Variants in ZNF516 observed in about 807,000 individuals in gnomAD.
The protein encoded by ZNF516 is zinc finger protein 516.
Under a neutral mutation model 79.7 loss-of-function variants are expected in ZNF516, and 19 were observed. That is an observed-to-expected ratio of 0.24 (90% confidence interval 0.17 to 0.35). The LOEUF (loss-of-function observed/expected upper bound fraction) is 0.35. Among genes scored for constraint, ZNF516 ranks in the 10% least tolerant of loss-of-function variants. The pLI, the probability that ZNF516 is intolerant of heterozygous loss-of-function variation, is 1.00. For missense variants in ZNF516, 1,678 were observed against 1,679.5 expected, an observed-to-expected ratio of 1.00 and a Z score of 0.02; for synonymous variants, 877 against 739.5, an observed-to-expected ratio of 1.19 and a Z score of -3.02.
chr18:76,401,364 G>A (rs2075218294), intron 3 of ZNF516, among the ~76,000 whole-genome samples: 1 of 151,272 alleles, frequency 6.6e-6, no homozygotes, highest in Non-Finnish European at 1.5e-5. Flanking sequence ...CAACCACTCA[G>A]TCATATTTCT....
intron 2 of ZNF516, among the ~76,000 whole-genome samples, chr18:76,456,524 C>T (rs1376201292): frequency 6.6e-6 from 1 of 152,192 alleles, no homozygotes. Flanking sequence ...AAGGAGTCCA[C>T]CCAAGTCCAG....
chr18:76,381,741 G>A (rs1433338557), intron 3 of ZNF516, among the ~76,000 whole-genome samples: 6 of 152,192 alleles, frequency 3.9e-5, no homozygotes, highest in Admixed American at 6.5e-5. Flanking sequence ...TGTAAAAAAC[G>A]CCAGCAGTTA....
chr18:76,496,206 C>A, upstream of ZNF516: 1 of 1,204,490 alleles, frequency 8.3e-7, no homozygotes. Context: ...AGGGCGAGCG[C>A]CCCTTCACGG....
chr18:76,389,448 A>C (rs1392097038), intron 3 of ZNF516: 2 of 152,226 alleles, frequency 1.3e-5, no homozygotes, highest in African/African-American at 4.8e-5. Flanking sequence ...TGCATCCCTC[A>C]CCAATGAGAG....
intron 6 of ZNF516, among the ~76,000 whole-genome samples, chr18:76,366,263 T>G (rs1208007965): frequency 6.6e-6 from 1 of 152,216 alleles, no homozygotes; most frequent in Non-Finnish European, 1.5e-5. Flanking sequence ...AGATAGACGG[T>G]ATATCACAAT....
chr18:76,396,798 G>A (rs2075152735), intron 3 of ZNF516, among the ~76,000 whole-genome samples: 1 of 152,242 alleles, frequency 6.6e-6, no homozygotes, highest in South Asian at 2.1e-4. Flanking sequence ...ATTCCACTGA[G>A]AGTGAGAGGC....
At chr18:76,423,748 G>A (rs1486607949) in intron 3 of ZNF516, among the ~76,000 whole-genome samples, 4 of 141,896 alleles carry the variant, frequency 2.8e-5, no homozygotes, top group Admixed American at 2.1e-4. Context: ...ACATACACAC[G>A]CAGGTGAAAA....
In ZNF516 at chr18:76,470,277, T is replaced by G. The variant is rs548127315; in HGVS notation, c.-271-7136A>C. Among the ~76,000 whole-genome samples, 5 of 152,274 alleles carry G rather than the reference T, an allele frequency of 3.3e-5. No individual in the cohort carries two copies. In the South Asian group the frequency reaches 1.0e-3, roughly 32 times the overall value. On this transcript the variant is annotated intron_variant, in intron 1 of 6. Coordinates refer to ENST00000443185, the MANE Select transcript of ZNF516 (RefSeq NM_014643.4). Reference sequence around the variant, plus strand: ...TGGCGTTTTCCCCCCAACTTTTAACTTAGATCTGGAACAAATCACAAGTGG... The same window carrying G: ...TGGCGTTTTCCCCCCAACTTTTAACGTAGATCTGGAACAAATCACAAGTGG...
At chr18:76,448,856 C>T (rs903762945) in intron 2 of ZNF516, among the ~76,000 whole-genome samples, 4 of 152,146 alleles carry the variant, frequency 2.6e-5, no homozygotes, top group Non-Finnish European at 4.4e-5. Context: ...ATTATCAAAG[C>T]GTGCTGGCAG....
At chr18:76,401,848 A>G (rs1439487714) in intron 3 of ZNF516, among the ~76,000 whole-genome samples, 110 of 148,114 alleles carry the variant, frequency 7.4e-4, no homozygotes, top group Non-Finnish European at 1.1e-3. Context: ...TCCACCAACC[A>G]CACCCCCGCG....
intron 3 of ZNF516, among the ~76,000 whole-genome samples, chr18:76,401,223 T>C (rs1787448): frequency 0.7 from 105,172 of 150,318 alleles, 37,447 homozygotes; most frequent in African/African-American, 0.84. Context: ...TTAAGTTTTG[T>C]TCTTATAGTT....
At chr18:76,377,597 T>C (rs144623496) in intron 4 of ZNF516, among the ~76,000 whole-genome samples, 1 of 152,330 alleles carries the variant, frequency 6.6e-6, no homozygotes, top group East Asian at 1.9e-4. Context: ...TGTCTGCTGA[T>C]ATCTCCCAGA....
intron 1 of ZNF516, among the ~76,000 whole-genome samples, chr18:76,481,981 A>T (rs181699243): frequency 6.6e-6 from 1 of 152,208 alleles, no homozygotes; most frequent in Non-Finnish European, 1.5e-5. Context: ...ACTTTCCAAA[A>T]GCTACAATAG....
At chr18:76,494,818 A>G (rs1915413021) in intron 1 of ZNF516, among the ~76,000 whole-genome samples, 1 of 150,874 alleles carries the variant, frequency 6.6e-6, no homozygotes. Flanking sequence ...GTACAAAGCC[A>G]GAGCCTCTTC....
At chr18:76,424,861 G>A (rs897808652) in intron 3 of ZNF516, among the ~76,000 whole-genome samples, 6 of 142,320 alleles carry the variant, frequency 4.2e-5, no homozygotes, top group Non-Finnish European at 6.0e-5. Flanking sequence ...ACACGCAGGT[G>A]AAAAGGTTCC....
At chr18:76,438,498 G>A (rs755452308) in intron 3 of ZNF516, among the ~76,000 whole-genome samples, 4 of 152,102 alleles carry the variant, frequency 2.6e-5, no homozygotes, top group Admixed American at 1.3e-4. Flanking sequence ...TCTCAGTGGA[G>A]GATTTAAATC....
At position 76,361,951 on chromosome 18, in the gene ZNF516, CTTAT is replaced by C. The variant is rs1310919413; in HGVS notation, c.*543_*546del. The C allele has an allele frequency of 1.3e-5, 2 of 152,364 alleles. No homozygotes were observed. Among genetic ancestry groups the C allele is most frequent in the African/African-American group, 2.4e-5 (1 of 41,422 alleles). 9.4% of individuals were successfully genotyped at this position (152,364 alleles called of 1,614,324 possible). The stretch of plus-strand genomic sequence containing the variant: ...CCTGAACGTCACCTCCTTCCTCTCT[CTTAT>C]TTACTATTTTAAATACCCACTAAGA... On this transcript the variant is annotated 3_prime_UTR_variant, in exon 7 of 7. Coordinates refer to ENST00000443185, the MANE Select transcript of ZNF516 (RefSeq NM_014643.4).
intron 3 of ZNF516, among the ~76,000 whole-genome samples, chr18:76,427,249 A>T (rs555272730): frequency 6.6e-6 from 1 of 152,358 alleles, no homozygotes; most frequent in Non-Finnish European, 1.5e-5. Flanking sequence ...TTAACCCTCT[A>T]AACTTCAGAT....
chr18:76,446,621 A>G (rs914627373), intron 2 of ZNF516, among the ~76,000 whole-genome samples: 4 of 152,212 alleles, frequency 2.6e-5, no homozygotes, highest in African/African-American at 9.7e-5. Flanking sequence ...CGGTGACTAG[A>G]GAATGCAGTC....
Sources: gnomAD v4.1 joint callset for allele counts (sites outside exome capture counted in the v4.1 genomes callset) on GRCh38, gnomAD v4.1.1 for gene constraint, MANE v1.5 for transcripts, NCBI Gene and HGNC (gene_info 2026-07-23, HGNC 2026-07-21) for gene names.